ABAT: variants seen among roughly 807,000 people sequenced by gnomAD.
ABAT encodes 4-aminobutyrate aminotransferase.
Under a neutral mutation model 64.6 loss-of-function variants are expected in ABAT, and 45 were observed. The ratio of observed to expected loss-of-function variants is 0.70; its 90% confidence interval spans 0.55 to 0.89. ABAT has a LOEUF of 0.89. Ranked by LOEUF, ABAT falls within the 40% of genes least tolerant of loss-of-function variation. ABAT has a pLI of 0.00. For synonymous variants in ABAT, 297 were observed against 250.5 expected, an observed-to-expected ratio of 1.19 and a Z score of -1.75; for missense variants, 633 against 658.4, an observed-to-expected ratio of 0.96 and a Z score of 0.42.
intron 1 of ABAT, among the ~76,000 whole-genome samples, chr16:8,688,183 A>G (rs1261093208): frequency 2.0e-5 from 3 of 151,974 alleles, no homozygotes; most frequent in African/African-American, 7.2e-5. Context: ...GAGCCACCGC[A>G]CCCGGCCAAA....
intron 12 of ABAT, 96 bp downstream of exon 12, chr16:8,773,013 T>C: frequency 1.3e-6 from 2 of 1,552,212 alleles, no homozygotes; most frequent in Non-Finnish European, 1.8e-6. Flanking sequence ...TTGGAGCTTC[T>C]GTCAATCTCC....
rs193000842 is a variant in ABAT, at chr16:8,742,383, G to A, written c.71-3618G>A. ...TTCTGGAGAAAAGAAAGGAGGACGC[G>A]TGTGTCCTCATTTAAGAACAGCTTG... On this transcript the variant is annotated intron_variant, in intron 2 of 15. Transcript: ENST00000268251. 2.0e-4 allele frequency among the ~76,000 whole-genome samples: 30 copies of A among 152,304 alleles called. No individual in the cohort carries two copies. In the East Asian group the frequency reaches 3.3e-3, roughly 17 times the overall value.
In ABAT at chr16:8,764,166, C is replaced by G; in HGVS notation, c.447+17C>G. The G allele has an allele frequency of 6.2e-7, 1 of 1,607,408 alleles. No homozygotes were observed. Among genetic ancestry groups the G allele is most frequent in the Non-Finnish European group, 8.5e-7 (1 of 1,174,974 alleles). ...TTGCTCTCGGTGAGTTCTGGAGAAG[C>G]AATCCCATTGTCTTCAGACGTGGTA... On this transcript the variant is annotated intron_variant, in intron 7 of 15. Coordinates refer to ENST00000268251, the MANE Select transcript of ABAT (RefSeq NM_020686.6). The surrounding 1 kb of genome is among the most constrained non-coding windows in gnomAD (Gnocchi z 4.2).
chr16:8,764,884 C>T lies in ABAT; in HGVS notation c.540+54C>T, dbSNP rs2059899730. On this transcript the variant is annotated intron_variant, in intron 8 of 15. Coordinates refer to ENST00000268251, the MANE Select transcript of ABAT (RefSeq NM_020686.6). This position sits in a 1 kb window ranked among gnomAD's most constrained non-coding sequence, Gnocchi z 4.2. ...ACACACAGGCTCCCCAGCACCCAGC[C>T]ACACGCTCACCCCTTGTCTGACTGT... 2.2e-5 allele frequency: 32 copies of T among 1,456,886 alleles called. No individual in the cohort carries two copies. The highest frequency in any genetic ancestry group is 3.0e-5 in the Non-Finnish European group (31 of 1,038,404). The allele number at this position is 1,456,886 out of a possible 1,614,324, so 90.2% of individuals were successfully genotyped here. A position where few individuals can be genotyped will look rare whatever the true frequency, so the allele number is the denominator to read the frequency against.
At chr16:8,765,129 C>G (rs188852694) in intron 8 of ABAT, among the ~76,000 whole-genome samples, 3 of 151,906 alleles carry the variant, frequency 2.0e-5, no homozygotes, top group South Asian at 2.1e-4. Flanking sequence ...CCCAGGAGCT[C>G]GAGACCAGCC....
chr16:8,690,850 CAT>C (rs1441983258), intron 1 of ABAT, among the ~76,000 whole-genome samples: 1 of 152,188 alleles, frequency 6.6e-6, no homozygotes, highest in Non-Finnish European at 1.5e-5. Flanking sequence ...GAGAGCCAAA[CAT>C]AGCGGACAGG....
intron 9 of ABAT, among the ~76,000 whole-genome samples, chr16:8,767,115 A>T (rs1030099845): frequency 1.2e-4 from 19 of 152,186 alleles, no homozygotes; most frequent in African/African-American, 4.6e-4. Context: ...GGGCCCCCAC[A>T]GTTCCCTCTG....
intron 3 of ABAT, 129 bp downstream of exon 3, chr16:8,746,227 C>G (rs2059324840): frequency 5.2e-6 from 4 of 766,844 alleles, no homozygotes; most frequent in Non-Finnish European, 8.9e-6. Context: ...CACCAGAGAT[C>G]TGAGATACTC....
intron 11 of ABAT, among the ~76,000 whole-genome samples, chr16:8,771,096 G>C (rs1234889492): frequency 1.3e-5 from 2 of 152,084 alleles, no homozygotes; most frequent in East Asian, 3.9e-4. Flanking sequence ...AGGAGTTCAA[G>C]AGCAGCCTGA....
chr16:8,737,976 G>A lies in ABAT; in HGVS notation c.70+2167G>A, dbSNP rs1409305818. ...AGGAAGGAAGGAAGGAAGGAAGGAA[G>A]GAAGGAAGGAAGGAGGAAAGAAAGA... On this transcript the variant is annotated intron_variant, in intron 2 of 15. Transcript: ENST00000268251. 7.0e-5 allele frequency among the ~76,000 whole-genome samples: 5 copies of A among 71,358 alleles called. 1 individual carries two copies. Among genetic ancestry groups the A allele is most frequent in the African/African-American group, 3.3e-4 (5 of 14,976 alleles). The allele number at this position is 71,358 out of a possible 152,430, so 46.8% of individuals were successfully genotyped here.
intron 1 of ABAT, among the ~76,000 whole-genome samples, chr16:8,725,063 C>T (rs1409757127): frequency 6.6e-6 from 1 of 152,052 alleles, no homozygotes. Context: ...ATTACAGGCG[C>T]CTGCCACCAC....
chr16:8,703,226 C>G (rs190238634), intron 1 of ABAT, among the ~76,000 whole-genome samples: 1 of 152,004 alleles, frequency 6.6e-6, no homozygotes, highest in Non-Finnish European at 1.5e-5. Context: ...GTGGGTGGAT[C>G]ACCTGAGGTC....
Position 8,776,525 on chromosome 16 carries a change from C to T in ABAT, c.1269+35C>T. 1.9e-6 allele frequency: 3 copies of T among 1,555,548 alleles called. No individual in the cohort carries two copies. The highest frequency in any genetic ancestry group is 2.6e-6 in the Non-Finnish European group (3 of 1,149,954). On this transcript the variant is annotated intron_variant, in intron 14 of 15. Transcript: ENST00000268251. The surrounding 1 kb of genome is among the most constrained non-coding windows in gnomAD (Gnocchi z 4.4). ...CCTCCCCTGCCCCGCCCCCACCACC[C>T]ATGGCTCCCCGCAGCAGCCTCCGGG...
chr16:8,738,363 T>C (rs2059044995), intron 2 of ABAT: 1 of 454,398 alleles, frequency 2.2e-6, no homozygotes, highest in Non-Finnish European at 4.4e-6. Flanking sequence ...AAACTGACCT[T>C]GGTATGTTAC....
At chr16:8,747,633 G>A (rs74761719) in intron 3 of ABAT, among the ~76,000 whole-genome samples, 4,626 of 152,138 alleles carry the variant, frequency 0.03, 218 homozygotes, top group African/African-American at 0.1. Context: ...TAATATCAAA[G>A]CGGCTAGTTT....
At chr16:8,737,949 A>AAAGGAAGAAAGGAAGGAAGGAAGG (rs2059005923) in intron 2 of ABAT, among the ~76,000 whole-genome samples, 1 of 23,694 alleles carries the variant, frequency 4.2e-5, no homozygotes, top group Non-Finnish European at 8.6e-5. Flanking sequence ...GGAAAGGAAG[A>AAAGGAAGAAAGGAAGGAAGGAAGG]AAGGAAGGAA....
intron 15 of ABAT, chr16:8,780,763 T>TA (rs60149541): frequency 0.015 from 2,074 of 137,384 alleles, 20 homozygotes; most frequent in Non-Finnish European, 0.021. Context: ...ACTCCATCTC[T>TA]AAAAAAAAAA....
chr16:8,723,112 A>C (rs1042416866), intron 1 of ABAT, among the ~76,000 whole-genome samples: 10 of 152,126 alleles, frequency 6.6e-5, no homozygotes, highest in African/African-American at 2.4e-4. Context: ...GTGCCCCTGT[A>C]ATCCCAGCTG....
At chr16:8,747,127 C>T (rs940879492) in intron 3 of ABAT, among the ~76,000 whole-genome samples, 1 of 152,178 alleles carries the variant, frequency 6.6e-6, no homozygotes, top group Admixed American at 6.5e-5. Context: ...ACTGCTGCCT[C>T]CTTCTGCTGG....
Sources: gnomAD v4.1 joint callset for allele counts (sites outside exome capture counted in the v4.1 genomes callset) on GRCh38, gnomAD v4.1.1 for gene constraint, Gnocchi (gnomAD v3.1) non-coding constraint, MANE v1.5 for transcripts, NCBI Gene and HGNC (gene_info 2026-07-23, HGNC 2026-07-21) for gene names.